Variants in CELF4 observed in about 807,000 individuals in gnomAD.
CELF4 encodes CUG-BP- and ETR-3-like factor 4.
CELF4 carries 18 observed loss-of-function variants against 59.9 expected under a neutral mutation model. The ratio of observed to expected loss-of-function variants is 0.30; its 90% CI spans 0.21 to 0.45. CELF4 has a LOEUF of 0.45. CELF4 is among the 20% of genes least tolerant of loss of function. The pLI is 1.00. For missense variants in CELF4, 456 were observed against 689.0 expected, an observed-to-expected ratio of 0.66 and a Z score of 3.79; for synonymous variants, 261 against 267.1, an observed-to-expected ratio of 0.98 and a Z score of 0.22.
chr18:37,477,773 G>T (rs1247983948), intron 2 of CELF4, among the ~76,000 whole-genome samples: 1 of 152,074 alleles, frequency 6.6e-6, no homozygotes, highest in Non-Finnish European at 1.5e-5. Context: ...ACTTATTTTT[G>T]TCCGATGCCA....
chr18:37,450,528 C>T (rs1475650948), intron 2 of CELF4, among the ~76,000 whole-genome samples: 5 of 151,926 alleles, frequency 3.3e-5, no homozygotes, highest in East Asian at 1.9e-4. Flanking sequence ...TCCCTTGCTC[C>T]TTATTCAAGG....
At chr18:37,465,678 A>T (rs1305604068) in intron 2 of CELF4, among the ~76,000 whole-genome samples, 1 of 152,164 alleles carries the variant, frequency 6.6e-6, no homozygotes, top group African/African-American at 2.4e-5. Flanking sequence ...AAAATTCATA[A>T]TATAAAACAG....
intron 2 of CELF4, among the ~76,000 whole-genome samples, chr18:37,423,174 T>C (rs547470487): frequency 6.6e-6 from 1 of 151,900 alleles, no homozygotes; most frequent in East Asian, 2.0e-4. Context: ...GGCAAGTCAA[T>C]GAAATGCCTA....
At chr18:37,332,820 G>C (rs573487977) in intron 2 of CELF4, among the ~76,000 whole-genome samples, 1 of 152,194 alleles carries the variant, frequency 6.6e-6, no homozygotes, top group Non-Finnish European at 1.5e-5. Context: ...CTGGGCTGAC[G>C]TGCCCCCACC....
chr18:37,266,267 C>T (rs2077481677), intron 9 of CELF4: 2 of 572,770 alleles, frequency 3.5e-6, no homozygotes, highest in Middle Eastern at 4.7e-4. Context: ...GCCTCAAAGA[C>T]AGGTAACTGC....
chr18:37,474,335 G>A (rs749462733), intron 2 of CELF4, among the ~76,000 whole-genome samples: 8 of 152,234 alleles, frequency 5.3e-5, no homozygotes, highest in Non-Finnish European at 1.0e-4. Context: ...CAATGCAGAG[G>A]TAGGCCAGGT....
chr18:37,492,004 G>A (rs1301297949), intron 1 of CELF4, among the ~76,000 whole-genome samples: 5 of 152,186 alleles, frequency 3.3e-5, no homozygotes, highest in Admixed American at 2.0e-4. Flanking sequence ...TAATCATCAC[G>A]GAAGGGAAGG....
chr18:37,340,330 T>C (rs908883231), intron 2 of CELF4, among the ~76,000 whole-genome samples: 8 of 152,082 alleles, frequency 5.3e-5, no homozygotes, highest in Non-Finnish European at 1.0e-4. Context: ...CCTGACTGAG[T>C]TGGGGCTCCT....
chr18:37,500,334 G>C (rs1025734260), intron 1 of CELF4, among the ~76,000 whole-genome samples: 1 of 152,096 alleles, frequency 6.6e-6, no homozygotes, highest in Non-Finnish European at 1.5e-5. Context: ...AGAGGATCCA[G>C]GGATGGGAAG....
At chr18:37,549,354 T>G (rs1443989535) in intron 1 of CELF4, among the ~76,000 whole-genome samples, 4 of 152,196 alleles carry the variant, frequency 2.6e-5, no homozygotes, top group Non-Finnish European at 5.9e-5. Context: ...CATTTAACTT[T>G]GGGCAGGTTT....
chr18:37,320,335 CAAAAAAAAAA>C (rs397858112), intron 3 of CELF4, among the ~76,000 whole-genome samples: 4 of 65,264 alleles, frequency 6.1e-5, no homozygotes, highest in African/African-American at 1.8e-4. Context: ...GACTCCATCT[CAAAAAAAAAA>C]AAAAAAAAAA....
In CELF4 at chr18:37,479,446, G is replaced by A. The variant is rs540881215; in HGVS notation, c.369+6079C>T. 1.4e-4 allele frequency among the ~76,000 whole-genome samples: 21 copies of A among 152,302 alleles called. No individual in the cohort carries two copies. The East Asian group carries it at 2.9e-3, about 21-fold the overall frequency. ...TCCTGTACATTGTAGGATATTTAGC[G>A]GCAGCCCTGGCCTCTACCCATTAGA... On this transcript the variant is annotated intron_variant, in intron 2 of 12. Coordinates refer to ENST00000420428, the MANE Select transcript of CELF4 (RefSeq NM_020180.4).
At position 37,457,523 on chromosome 18, in the gene CELF4, T is replaced by C. The variant is rs546941340; in HGVS notation, c.369+28002A>G. On this transcript the variant is annotated intron_variant, in intron 2 of 12. Coordinates refer to ENST00000420428, the MANE Select transcript of CELF4 (RefSeq NM_020180.4). ...CTGCTGAACAAATCCAGGGACTTAATAGGAGCCACACAAAGCCCTTGAGTT... is the reference window on the plus strand; with the variant it reads ...CTGCTGAACAAATCCAGGGACTTAACAGGAGCCACACAAAGCCCTTGAGTT... 2.6e-5 allele frequency among the ~76,000 whole-genome samples: 4 copies of C among 152,222 alleles called. No homozygotes were observed. In the East Asian group the frequency reaches 7.7e-4, roughly 29 times the overall value.
At chr18:37,330,095 C>A (rs994763166) in intron 2 of CELF4, among the ~76,000 whole-genome samples, 1 of 152,220 alleles carries the variant, frequency 6.6e-6, no homozygotes, top group Non-Finnish European at 1.5e-5. Context: ...ATGCAACCAA[C>A]TCGATAAGGA....
At chr18:37,350,310 A>G (rs2154553441) in intron 2 of CELF4, among the ~76,000 whole-genome samples, 1 of 152,348 alleles carries the variant, frequency 6.6e-6, no homozygotes, top group South Asian at 2.1e-4. Flanking sequence ...TCCAGGAAGC[A>G]AAAGATGCAA....
At chr18:37,356,793 C>A (rs890441155) in intron 2 of CELF4, among the ~76,000 whole-genome samples, 1 of 152,312 alleles carries the variant, frequency 6.6e-6, no homozygotes, top group African/African-American at 2.4e-5. Flanking sequence ...TGCCTTCTGA[C>A]CTTGGTCTCT....
At chr18:37,328,922 T>A (rs553865452) in intron 2 of CELF4, among the ~76,000 whole-genome samples, 2 of 152,316 alleles carry the variant, frequency 1.3e-5, no homozygotes, top group East Asian at 3.9e-4. Context: ...AAAAGTGTCA[T>A]TAAAGTACTA....
intron 1 of CELF4, among the ~76,000 whole-genome samples, chr18:37,502,619 G>A (rs999548834): frequency 2.6e-5 from 4 of 152,136 alleles, no homozygotes; most frequent in Admixed American, 2.0e-4. Context: ...GCACTGCTGG[G>A]CACCATTGGG....
intron 1 of CELF4, among the ~76,000 whole-genome samples, chr18:37,491,450 C>G (rs2099904974): frequency 6.6e-6 from 1 of 152,196 alleles, no homozygotes; most frequent in Non-Finnish European, 1.5e-5. Flanking sequence ...AGCTTGATGC[C>G]TCGTCTCTGA....
Sources: gnomAD v4.1 joint callset for allele counts (sites outside exome capture counted in the v4.1 genomes callset) on GRCh38, gnomAD v4.1.1 for gene constraint, MANE v1.5 for transcripts, NCBI Gene and HGNC (gene_info 2026-07-23, HGNC 2026-07-21) for gene names.